Variants in GNG10 observed in about 807,000 individuals in gnomAD.
GNG10 encodes the protein guanine nucleotide-binding protein G(I)/G(S)/G(O) subunit gamma-10.
GNG10 carries 7 observed loss-of-function variants against 6.8 expected under a neutral mutation model. The ratio of observed to expected loss-of-function variants is 1.02; its 90% confidence interval spans 0.58 to 1.92. The LOEUF is 1.92. GNG10 is among the 30% of genes most tolerant of loss of function. The pLI is 0.00. For missense variants in GNG10, 57 were observed against 86.1 expected, an observed-to-expected ratio of 0.66 and a Z score of 1.34; for synonymous variants, 28 against 34.8, an observed-to-expected ratio of 0.80 and a Z score of 0.69.
At chr9:111,662,981 A>G (rs544192456) in intron 1 of GNG10, among the ~76,000 whole-genome samples, 4 of 152,206 alleles carry the variant, frequency 2.6e-5, no homozygotes, top group Admixed American at 1.3e-4. Context: ...GTTCCAGGGA[A>G]GAAACAAATG....
intron 2 of GNG10, among the ~76,000 whole-genome samples, chr9:111,668,848 C>T (rs1450516958): frequency 6.6e-6 from 1 of 151,640 alleles, no homozygotes; most frequent in Non-Finnish European, 1.5e-5. Context: ...TTTGTATTCA[C>T]CTGTTACTTT....
In GNG10 at chr9:111,662,001, G is replaced by T. The variant is rs540394841; in HGVS notation, c.81+286G>T. Among the ~76,000 whole-genome samples, 869 of 152,196 alleles carry T rather than the reference G, an allele frequency of 5.7e-3. 11 individuals carry two copies. Among genetic ancestry groups the T allele is most frequent in the African/African-American group, 0.019 (806 of 41,530 alleles). On this transcript the variant is annotated intron_variant, in intron 1 of 2. Transcript: ENST00000374293. Reference sequence around the variant, plus strand: ...GGCCGTGGTCAGTTCCTCGGAGGGCGCAAGGGATGCCGGCGACGCGCGGGC... The same window carrying T: ...GGCCGTGGTCAGTTCCTCGGAGGGCTCAAGGGATGCCGGCGACGCGCGGGC...
chr9:111,666,353 C>T (rs1377164403), intron 1 of GNG10, among the ~76,000 whole-genome samples: 1 of 152,142 alleles, frequency 6.6e-6, no homozygotes, highest in Admixed American at 6.5e-5. Context: ...AAATAATAAG[C>T]TATACCGCCT....
At chr9:111,668,833 T>A (rs532700057) in intron 2 of GNG10, among the ~76,000 whole-genome samples, 76 of 151,984 alleles carry the variant, frequency 5.0e-4, no homozygotes, top group Non-Finnish European at 8.8e-4. Context: ...GTGGTTTAGA[T>A]GTCTTTTGTA....
intron 1 of GNG10, among the ~76,000 whole-genome samples, chr9:111,664,440 C>T (rs982891178): frequency 1.3e-5 from 2 of 152,134 alleles, no homozygotes; most frequent in African/African-American, 4.8e-5. Context: ...AACCAGGACA[C>T]CAATTTTCTA....
rs566755042 is a variant in GNG10, at chr9:111,668,975, G to C, written c.*7-294G>C. On this transcript the variant is annotated intron_variant, in intron 2 of 2. Transcript: ENST00000374293. ...GGGTTCAAGCGATTCTCCTGCCTCA[G>C]CCTCACTAGTAGCTGGGATTACAGG... is the stretch of plus-strand genomic sequence containing the variant. Among the ~76,000 whole-genome samples, 3 of 152,178 alleles carry C rather than the reference G, an allele frequency of 2.0e-5. No homozygotes were observed. The East Asian group carries it at 5.8e-4, about 29-fold the overall frequency.
intron 2 of GNG10, among the ~76,000 whole-genome samples, chr9:111,668,868 T>C (rs11999567): frequency 0.074 from 11,274 of 152,012 alleles, 1,296 homozygotes; most frequent in African/African-American, 0.25. Flanking sequence ...TCATTTTTTT[T>C]TTGTTTGAGA....
chr9:111,665,852 G>T (rs749542329), intron 1 of GNG10, among the ~76,000 whole-genome samples: 1 of 150,676 alleles, frequency 6.6e-6, no homozygotes, highest in Non-Finnish European at 1.5e-5. Context: ...TCAACCTCCT[G>T]AGTAGCTGGG....
chr9:111,667,142 A>G (rs1830914081), intron 2 of GNG10, among the ~76,000 whole-genome samples, 196 bp downstream of exon 2: 1 of 152,256 alleles, frequency 6.6e-6, no homozygotes, highest in South Asian at 2.1e-4. Flanking sequence ...TAATCAGGAC[A>G]GTCTGAAGTC....
At chr9:111,668,432 TCC>T (rs1830941332) in intron 2 of GNG10, among the ~76,000 whole-genome samples, 1 of 44,834 alleles carries the variant, frequency 2.2e-5, no homozygotes, top group African/African-American at 2.1e-4. Flanking sequence ...CCTTCTTCCC[TCC>T]CCTCCCCTCC....
rs558775893 is a variant in GNG10 at position 111,662,555 on chromosome 9, T to C, written c.81+840T>C. Among the ~76,000 whole-genome samples the C allele has an allele frequency of 2.6e-5, 4 of 152,332 alleles. No homozygotes were observed. In the East Asian group the frequency reaches 7.7e-4, roughly 29 times the overall value. On this transcript the variant is annotated intron_variant, in intron 1 of 2. Coordinates refer to ENST00000374293, the MANE Select transcript of GNG10 (RefSeq NM_001017998.4). ...TCAGTTGGCTAAAAGGCGTCTGTTG[T>C]AGAGCTGTGTTTAGCTACGAGTGCA...
At position 111,661,764 on chromosome 9, in the gene GNG10, G is replaced by A; in HGVS notation, c.81+49G>A. ...TCCGGTCCTTCCGCCCGCGGGGCGT[G>A]AGAAGAGGAGGCCGGCGGCCCGGAC... On this transcript the variant is annotated intron_variant, in intron 1 of 2. Transcript: ENST00000374293. The surrounding 1 kb of genome is among the most constrained non-coding windows in gnomAD (Gnocchi z 6.1). 1 of 1,143,948 alleles carries A rather than the reference G, an allele frequency of 8.7e-7. No individual in the cohort carries two copies. Among genetic ancestry groups the A allele is most frequent in the Non-Finnish European group, 1.1e-6 (1 of 885,136 alleles). The allele number at this position is 1,143,948 out of a possible 1,614,324, so 70.9% of individuals were successfully genotyped here.
chr9:111,668,437 TCCC>T (rs1830942128), intron 2 of GNG10, among the ~76,000 whole-genome samples: 1 of 135,588 alleles, frequency 7.4e-6, no homozygotes, highest in African/African-American at 2.6e-5. Context: ...TTCCCTCCCC[TCCC>T]CTCCCCTCCC....
At chr9:111,665,150 A>G (rs991002138) in intron 1 of GNG10, among the ~76,000 whole-genome samples, 6 of 152,128 alleles carry the variant, frequency 3.9e-5, no homozygotes, top group African/African-American at 1.4e-4. Context: ...ATTAACACAA[A>G]CTAGTAGTAA....
rs1830973365 is a variant in GNG10, at chr9:111,669,979, G to A, written c.*717G>A. 1 of 148,298 alleles carries A rather than the reference G, an allele frequency of 6.7e-6. No individual in the cohort carries two copies. The highest frequency in any genetic ancestry group is 1.5e-5 in the Non-Finnish European group (1 of 67,460). 9.2% of individuals were successfully genotyped at this position (148,298 alleles called of 1,614,324 possible). A position where few individuals can be genotyped will look rare whatever the true frequency, so the allele number is the denominator to read the frequency against. On this transcript the variant is annotated 3_prime_UTR_variant, in exon 3 of 3. Transcript: ENST00000374293. ...TCTTACGTTTCTCTGCTTTGTAGTT[G>A]TGGCTGTACTTAAAGAAATACAGAA...
intron 2 of GNG10, 97 bp downstream of exon 2, chr9:111,667,043 T>TG: frequency 6.6e-7 from 1 of 1,513,020 alleles, no homozygotes. Flanking sequence ...CTCCTATTCT[T>TG]GGGGAAATTA....
chr9:111,667,387 G>A (rs1263109654), intron 2 of GNG10, among the ~76,000 whole-genome samples: 2 of 151,922 alleles, frequency 1.3e-5, no homozygotes, highest in African/African-American at 4.8e-5. Flanking sequence ...CTGCCACCAC[G>A]CCCGGCTAAT....
Position 111,666,816 on chromosome 9 carries a change from T to C in GNG10, c.83T>C (p.Val28Ala). ...KLEAGVERIK[V>A]SQAAAELQQY... The stretch of plus-strand genomic sequence containing the variant: ...CATGTTGCTGTCCCTTTGTTTCAGG[T>C]CTCTCAGGCAGCTGCAGAGCTTCAA... The change falls in exon 2 of 3, where the codon GTC becomes GCC. Residue 28 changes from valine to alanine, a missense_variant and splice_region_variant. Coordinates refer to ENST00000374293, the MANE Select transcript of GNG10 (RefSeq NM_001017998.4). 1 of 1,612,170 alleles carries C rather than the reference T, an allele frequency of 6.2e-7. No individual in the cohort carries two copies. The highest frequency in any genetic ancestry group is 2.2e-5 in the East Asian group (1 of 44,888).
Position 111,661,746 on chromosome 9 carries a change from C to A in GNG10, c.81+31C>A. ...GGCCCCGGGTACCCACGCTCCGGTC[C>A]TTCCGCCCGCGGGGCGTGAGAAGAG... On this transcript the variant is annotated intron_variant, in intron 1 of 2. Transcript: ENST00000374293. This position sits in a 1 kb window ranked among gnomAD's most constrained non-coding sequence, Gnocchi z 6.1. The A allele has an allele frequency of 8.0e-7, 1 of 1,253,684 alleles. No homozygotes were observed. 77.7% of individuals were successfully genotyped at this position (1,253,684 alleles called of 1,614,324 possible).
Sources: gnomAD v4.1 joint callset for allele counts (sites outside exome capture counted in the v4.1 genomes callset) on GRCh38, gnomAD v4.1.1 for gene constraint, Gnocchi (gnomAD v3.1) non-coding constraint, MANE v1.5 for transcripts, NCBI Gene and HGNC (gene_info 2026-07-23, HGNC 2026-07-21) for gene names.